The following C5 variants were observed in gnomAD, a reference collection of about 807,000 sequenced individuals.
C5 encodes the protein C3 and PZP-like alpha-2-macroglobulin domain-containing protein 4.
A neutral mutation model predicts 218.8 loss-of-function variants in C5; 140 were observed. The observed-to-expected ratio is 0.64, with a 90% CI of 0.56 to 0.74. The LOEUF (loss-of-function observed/expected upper bound fraction) is 0.74, where lower values mean the gene tolerates loss of function less well. Ranked by LOEUF, C5 falls within the 30% of genes least tolerant of loss-of-function variation. The pLI is 0.00. For synonymous variants in C5, 614 were observed against 682.3 expected (o/e 0.90, Z 1.56); for missense variants, 1,700 against 1,969.6 (o/e 0.86, Z 2.59).
At chr9:120,984,144 C>A (rs1271524097) in intron 25 of C5, among the ~76,000 whole-genome samples, 1 of 151,996 alleles carries the variant, frequency 6.6e-6, no homozygotes, top group African/African-American at 2.4e-5. Context: ...AAGCCATTTC[C>A]CTTTCTGTAG....
chr9:121,056,502 T>G, the C5 span, among the ~76,000 whole-genome samples: 1 of 152,188 alleles, frequency 6.6e-6, no homozygotes, highest in Admixed American at 6.5e-5. Context: ...CCCCCAATAT[T>G]TGTGACTACG....
chr9:120,993,933 C>T (rs907673808), intron 22 of C5, among the ~76,000 whole-genome samples: 4 of 151,940 alleles, frequency 2.6e-5, no homozygotes, highest in African/African-American at 7.3e-5. Context: ...AAAAATAAAA[C>T]GAGAGGGGCC....
intron 9 of C5, among the ~76,000 whole-genome samples, chr9:121,024,412 A>T (rs1208850885): frequency 1.3e-5 from 2 of 149,962 alleles, no homozygotes; most frequent in Non-Finnish European, 3.0e-5. Flanking sequence ...CAAGAGCCCA[A>T]TAATGTTATC....
At chr9:120,982,172 C>T (rs562592558) in intron 26 of C5, among the ~76,000 whole-genome samples, 26 of 152,276 alleles carry the variant, frequency 1.7e-4, no homozygotes, top group East Asian at 9.7e-4. Context: ...CTACCACGCA[C>T]GGCTAATTTT....
In C5 at chr9:120,971,839, T is replaced by G. The variant is rs749787817; in HGVS notation, c.4080+91A>C. On this transcript the variant is annotated intron_variant, in intron 31 of 40. Coordinates refer to ENST00000223642, the MANE Select transcript of C5 (RefSeq NM_001735.3). ...TAGTCATGGTTACCCAAGCCCAGATTTCTGTGACTTTGTGGCAAAGCTCCT... is the reference window on the plus strand; with the variant it reads ...TAGTCATGGTTACCCAAGCCCAGATGTCTGTGACTTTGTGGCAAAGCTCCT... 25 of 949,220 alleles carry G rather than the reference T, an allele frequency of 2.6e-5. 1 individual carries two copies. Among genetic ancestry groups the G allele is most frequent in the Non-Finnish European group, 4.1e-5 (24 of 585,560 alleles). 58.8% of individuals were successfully genotyped at this position (949,220 alleles called of 1,614,324 possible). A position where few individuals can be genotyped will look rare whatever the true frequency, so the allele number is the denominator to read the frequency against.
Position 120,952,677 on chromosome 9 carries a change from A to T in C5, c.*62T>A. The T allele has an allele frequency of 6.3e-7, 1 of 1,582,640 alleles. No individual in the cohort carries two copies. Among genetic ancestry groups the T allele is most frequent in the South Asian group, 1.1e-5 (1 of 89,722 alleles). On this transcript the variant is annotated 3_prime_UTR_variant, in exon 41 of 41. Coordinates refer to ENST00000223642, the MANE Select transcript of C5 (RefSeq NM_001735.3). The stretch of plus-strand genomic sequence containing the variant: ...TGTTTAAAAAAAGAAGAAAACAAAA[A>T]AACGAACTTCAACAACAGGAGTCCA...
chr9:121,060,261 G>T, the C5 span, among the ~76,000 whole-genome samples: 1 of 152,162 alleles, frequency 6.6e-6, no homozygotes, highest in African/African-American at 2.4e-5. Context: ...GCTTCCCAAA[G>T]AAAGCTGGAA....
Position 120,989,702 on chromosome 9 carries a change from CT to C in C5, c.3019del (p.Ser1007ValfsTer6). On this transcript the variant is annotated frameshift_variant, in exon 24 of 41. Coordinates refer to ENST00000223642, the MANE Select transcript of C5 (RefSeq NM_001735.3). LOFTEE classifies it high-confidence loss of function. ...AACGCTCATCAGCTCCGCCTCTGCA[CT>C]CCCTTTGGGGAGGTGGGTTAGGATA... ...INILTHLPKG[S>X]AEAELMSVVP... is the part of the protein sequence containing the mutation. 6.2e-7 allele frequency: 1 copy of C among 1,614,120 alleles called. No individual in the cohort carries two copies. Among genetic ancestry groups the C allele is most frequent in the Non-Finnish European group, 8.5e-7 (1 of 1,179,982 alleles).
chr9:121,057,484 G>A, the C5 span, among the ~76,000 whole-genome samples: 1 of 152,086 alleles, frequency 6.6e-6, no homozygotes, highest in South Asian at 2.1e-4. Flanking sequence ...AGGAAAAAGT[G>A]TAGATGTTTG....
At chr9:121,002,238 G>C in intron 20 of C5, among the ~76,000 whole-genome samples, 1 of 58,558 alleles carries the variant, frequency 1.7e-5, no homozygotes, top group African/African-American at 3.6e-5. Context: ...ATGTATATAT[G>C]TATATGTATA....
chr9:121,037,322 T>A (rs1445401911), intron 4 of C5, among the ~76,000 whole-genome samples: 1 of 150,684 alleles, frequency 6.6e-6, no homozygotes, highest in Non-Finnish European at 1.5e-5. Flanking sequence ...TTTTTTTAGA[T>A]TTTCTTTTTT....
chr9:121,067,745 G>GT, the C5 span, among the ~76,000 whole-genome samples: 1 of 152,142 alleles, frequency 6.6e-6, no homozygotes, highest in Middle Eastern at 3.4e-3. Flanking sequence ...ACCATAGGGA[G>GT]TAAGTTCTCA....
rs1232691327 is a variant in C5, at chr9:121,015,266, T to C, written c.1997-5A>G. The C allele has an allele frequency of 3.1e-6, 5 of 1,590,860 alleles. No homozygotes were observed. In the African/African-American group the frequency reaches 6.7e-5, roughly 21 times the overall value. On this transcript the variant is annotated splice_region_variant and splice_polypyrimidine_tract_variant and intron_variant, in intron 15 of 40. Transcript: ENST00000223642. ...GAATTTCTTTACAAGGTTCATCTGG[T>C]TTTTTTAAAAAAAGATAAAGAAGAA...
chr9:120,952,995 C>A, intron 40 of C5, 127 bp from the exon 41 acceptor site: 2 of 938,872 alleles, frequency 2.1e-6, no homozygotes, highest in Non-Finnish European at 3.2e-6. Context: ...GTGATCTCAG[C>A]TCACTGCAAG....
intron 22 of C5, among the ~76,000 whole-genome samples, chr9:120,995,646 A>G (rs1423643497): frequency 1.3e-5 from 2 of 152,050 alleles, no homozygotes; most frequent in Non-Finnish European, 2.9e-5. Context: ...ATTATAAATT[A>G]TTATTGTGAT....
chr9:120,991,092 G>C (rs2047073587), intron 23 of C5, 99 bp downstream of exon 23: 1 of 801,676 alleles, frequency 1.2e-6, no homozygotes, highest in Non-Finnish European at 2.2e-6. Flanking sequence ...GTGTGCTACT[G>C]AACACGGAAG....
chr9:121,020,778 T>G (rs2159777), intron 11 of C5, among the ~76,000 whole-genome samples: 79,790 of 152,080 alleles, frequency 0.52, 21,269 homozygotes, highest in East Asian at 0.78. Flanking sequence ...GTACCACCAC[T>G]TATTAACTCT....
intron 22 of C5, among the ~76,000 whole-genome samples, chr9:120,995,734 AT>A (rs1484802190): frequency 1.3e-5 from 2 of 151,686 alleles, no homozygotes; most frequent in Non-Finnish European, 2.9e-5. Context: ...AATTAATGGA[AT>A]TATTATTGTT....
rs1157967721 is a variant in C5 at position 120,989,687 on chromosome 9, A to G, written c.3035T>C (p.Leu1012Pro). The change falls in exon 24 of 41, where the codon CTG becomes CCG. Residue 1012 changes from leucine to proline, a missense_variant. Transcript: ENST00000223642. ...HLPKGSAEAE[L>P]MSVVPVFYVF... is the part of the protein sequence containing the mutation. ...ATAGAATACTGGGACAACGCTCATCAGCTCCGCCTCTGCACTCCCTTTGGG... is the reference window on the plus strand; with the variant it reads ...ATAGAATACTGGGACAACGCTCATCGGCTCCGCCTCTGCACTCCCTTTGGG... The G allele has an allele frequency of 1.2e-6, 2 of 1,613,844 alleles. No individual in the cohort carries two copies. The highest frequency in any genetic ancestry group is 2.7e-5 in the African/African-American group (2 of 74,910).
Sources: gnomAD v4.1 joint callset for allele counts (sites outside exome capture counted in the v4.1 genomes callset) on GRCh38, gnomAD v4.1.1 for gene constraint, MANE v1.5 for transcripts, NCBI Gene and HGNC (gene_info 2026-07-23, HGNC 2026-07-21) for gene names.